The following ZSWIM6 variants were observed in gnomAD, a reference collection of about 807,000 sequenced individuals.
The protein encoded by ZSWIM6 is zinc finger SWIM-type containing 6.
Under a neutral mutation model 113.2 loss-of-function variants are expected in ZSWIM6, and 9 were observed. The observed-to-expected ratio is 0.08, with a 90% CI of 0.05 to 0.14. The LOEUF (loss-of-function observed/expected upper bound fraction) is 0.14. ZSWIM6 is among the 10% of genes least tolerant of loss of function. The pLI, the probability that ZSWIM6 is intolerant of heterozygous loss-of-function variation, is 1.00. For missense variants in ZSWIM6, 1,162 were observed against 1,552.2 expected (o/e 0.75, Z 4.22); for synonymous variants, 611 against 606.5 (o/e 1.01, Z -0.11).
Position 61,544,482 on chromosome 5 carries a change from T to C in ZSWIM6, c.*165T>C, listed in dbSNP as rs1749832371. 2 of 375,956 alleles carry C rather than the reference T, an allele frequency of 5.3e-6. No individual in the cohort carries two copies. The highest frequency in any genetic ancestry group is 4.7e-6 in the Non-Finnish European group (1 of 213,470). The allele number at this position is 375,956 out of a possible 1,614,324, so 23.3% of individuals were successfully genotyped here. On this transcript the variant is annotated 3_prime_UTR_variant, in exon 14 of 14. Transcript: ENST00000252744. ...ACTAAATTGTCATGTTGTGAAAGTT[T>C]GTGTGTTTTTTATTTTTTCCCTATT...
chr5:61,506,398 C>T (rs1385541959), intron 4 of ZSWIM6, among the ~76,000 whole-genome samples: 6 of 151,932 alleles, frequency 3.9e-5, no homozygotes, highest in Non-Finnish European at 7.4e-5. Flanking sequence ...GCCTGGCCAA[C>T]ACAGTGAAAC....
intron 1 of ZSWIM6, among the ~76,000 whole-genome samples, chr5:61,465,013 G>A (rs776707986): frequency 1.3e-5 from 2 of 152,168 alleles, no homozygotes; most frequent in African/African-American, 2.4e-5. Flanking sequence ...TGAGGTGGGG[G>A]CAATGTGGGG....
intron 4 of ZSWIM6, among the ~76,000 whole-genome samples, chr5:61,506,995 G>A (rs1277698369): frequency 6.6e-6 from 1 of 152,084 alleles, no homozygotes; most frequent in African/African-American, 2.4e-5. Context: ...AATAACCTTT[G>A]TTTTTCTGAA....
intron 9 of ZSWIM6, among the ~76,000 whole-genome samples, chr5:61,532,613 G>T (rs981446869): frequency 6.6e-6 from 1 of 152,136 alleles, no homozygotes; most frequent in Non-Finnish European, 1.5e-5. Flanking sequence ...CAAAGCAAAA[G>T]ATCTACTTAA....
rs530997653 is a variant in ZSWIM6, at chr5:61,531,019, G to C, written c.1985-446G>C. 2.4e-4 allele frequency among the ~76,000 whole-genome samples: 36 copies of C among 152,198 alleles called. No individual in the cohort carries two copies. The South Asian group carries it at 7.3e-3, about 31-fold the overall frequency. On this transcript the variant is annotated intron_variant, in intron 8 of 13. Transcript: ENST00000252744. ...CCTCTTGTGATAACTGATGACTCTT[G>C]GATAATAAAAAGGACTTGAAATTGG...
chr5:61,474,222 T>G (rs1270443696), intron 2 of ZSWIM6, among the ~76,000 whole-genome samples: 2 of 152,258 alleles, frequency 1.3e-5, no homozygotes, highest in African/African-American at 4.8e-5. Context: ...ATTTTTAAAC[T>G]TTGTGTAAAT....
chr5:61,438,992 T>C (rs899163647), intron 1 of ZSWIM6, among the ~76,000 whole-genome samples: 1 of 152,222 alleles, frequency 6.6e-6, no homozygotes, highest in Non-Finnish European at 1.5e-5. Flanking sequence ...GCAGCTATAT[T>C]GCAAAAGGGA....
At chr5:61,446,167 C>CA (rs1746949921) in intron 1 of ZSWIM6, among the ~76,000 whole-genome samples, 1 of 152,196 alleles carries the variant, frequency 6.6e-6, no homozygotes, top group South Asian at 2.1e-4. Flanking sequence ...GCTGGGACTA[C>CA]AGACGCTCCA....
chr5:61,480,807 A>C (rs1747838103), intron 2 of ZSWIM6, among the ~76,000 whole-genome samples: 1 of 152,072 alleles, frequency 6.6e-6, no homozygotes, highest in African/African-American at 2.4e-5. Context: ...TCTCAGTGCC[A>C]ATGGTTGATG....
At chr5:61,441,133 T>A (rs1746824024) in intron 1 of ZSWIM6, among the ~76,000 whole-genome samples, 1 of 152,166 alleles carries the variant, frequency 6.6e-6, no homozygotes. Flanking sequence ...TTTATATTGT[T>A]CATCTAGATT....
At chr5:61,381,083 C>CAAA (rs1745464310) in intron 1 of ZSWIM6, among the ~76,000 whole-genome samples, 1 of 151,798 alleles carries the variant, frequency 6.6e-6, no homozygotes, top group Non-Finnish European at 1.5e-5. Flanking sequence ...ACCCTGTCTC[C>CAAA]ACTAAAAATA....
In ZSWIM6 at chr5:61,440,847, T is replaced by TA. The variant is rs148664362; in HGVS notation, c.677-31830dup. Among the ~76,000 whole-genome samples the TA allele has an allele frequency of 3.6e-3, 555 of 152,246 alleles. 5 individuals carry two copies. Among genetic ancestry groups the TA allele is most frequent in the Non-Finnish European group, 5.3e-3 (359 of 68,006 alleles). On this transcript the variant is annotated intron_variant, in intron 1 of 13. Transcript: ENST00000252744. The stretch of plus-strand genomic sequence containing the variant: ...TAGGTACTGGGGACACAAAGATGAA[T>TA]AAAACAGCTTACAGTCCACTGGAAC...
intron 2 of ZSWIM6, among the ~76,000 whole-genome samples, chr5:61,476,893 G>C (rs1430968034): frequency 6.6e-6 from 1 of 151,996 alleles, no homozygotes; most frequent in African/African-American, 2.4e-5. Context: ...ACCTTGAATG[G>C]GACCCATTTT....
chr5:61,443,406 C>G (rs1746879060), intron 1 of ZSWIM6, among the ~76,000 whole-genome samples: 1 of 152,026 alleles, frequency 6.6e-6, no homozygotes, highest in African/African-American at 2.4e-5. Flanking sequence ...AAATATAACC[C>G]AAAGAAAGTT....
At chr5:61,380,796 C>T (rs1175059887) in intron 1 of ZSWIM6, among the ~76,000 whole-genome samples, 1 of 152,186 alleles carries the variant, frequency 6.6e-6, no homozygotes, top group Non-Finnish European at 1.5e-5. Context: ...AGAATTGTTA[C>T]TACAAGCATA....
chr5:61,462,863 G>C (rs574230098), intron 1 of ZSWIM6, among the ~76,000 whole-genome samples: 1 of 152,176 alleles, frequency 6.6e-6, no homozygotes, highest in Non-Finnish European at 1.5e-5. Context: ...GGAGCTCGAA[G>C]GAAGACCGAT....
At chr5:61,347,257 C>T (rs1052807165) in intron 1 of ZSWIM6, 1 of 177,076 alleles carries the variant, frequency 5.6e-6, no homozygotes, top group Non-Finnish European at 1.3e-5. Context: ...AAATACCAAG[C>T]TCTGTGCAAC....
chr5:61,365,045 C>A (rs2112058703), intron 1 of ZSWIM6, among the ~76,000 whole-genome samples: 1 of 152,220 alleles, frequency 6.6e-6, no homozygotes, highest in South Asian at 2.1e-4. Context: ...TGGTTCATAG[C>A]CTTTTTGAAA....
chr5:61,534,648 A>ACT (rs1749528831), intron 9 of ZSWIM6, among the ~76,000 whole-genome samples: 1 of 152,084 alleles, frequency 6.6e-6, no homozygotes, highest in South Asian at 2.1e-4. Flanking sequence ...AAGTGGTTGA[A>ACT]CTAACCACTG....
Sources: gnomAD v4.1 joint callset for allele counts (sites outside exome capture counted in the v4.1 genomes callset) on GRCh38, gnomAD v4.1.1 for gene constraint, MANE v1.5 for transcripts, NCBI Gene and HGNC (gene_info 2026-07-23, HGNC 2026-07-21) for gene names.